The following DNAJC5B variants were observed in gnomAD, a reference collection of about 807,000 sequenced individuals.
DNAJC5B encodes the protein dnaJ homolog subfamily C member 5B.
A neutral mutation model predicts 24.7 loss-of-function variants in DNAJC5B; 23 were observed. The observed-to-expected ratio is 0.93, with a 90% CI of 0.67 to 1.32. The LOEUF (loss-of-function observed/expected upper bound fraction) is 1.32. Among genes scored for constraint, DNAJC5B ranks in the 40% most tolerant of loss-of-function variants. DNAJC5B has a pLI of 0.00. For missense variants in DNAJC5B, 238 were observed against 240.8 expected (o/e 0.99, Z 0.08); for synonymous variants, 101 against 90.1 (o/e 1.12, Z -0.68).
intron 2 of DNAJC5B, among the ~76,000 whole-genome samples, chr8:66,049,583 A>T (rs1487991032): frequency 6.6e-6 from 1 of 152,168 alleles, no homozygotes; most frequent in Non-Finnish European, 1.5e-5. Context: ...GGTTTGTGTA[A>T]ATACACTCTG....
At chr8:66,048,014 T>A (rs1806760188) in intron 2 of DNAJC5B, among the ~76,000 whole-genome samples, 1 of 152,156 alleles carries the variant, frequency 6.6e-6, no homozygotes, top group Admixed American at 6.5e-5. Context: ...GTCCACCCTT[T>A]ATCACCATTA....
intron 3 of DNAJC5B, among the ~76,000 whole-genome samples, chr8:66,065,640 C>A (rs1807175356): frequency 6.6e-6 from 1 of 152,030 alleles, no homozygotes; most frequent in South Asian, 2.1e-4. Flanking sequence ...TTGTAGGGGG[C>A]TGTAGGGTTG....
chr8:66,055,618 C>T (rs955386741), intron 3 of DNAJC5B, among the ~76,000 whole-genome samples: 1 of 152,062 alleles, frequency 6.6e-6, no homozygotes, highest in African/African-American at 2.4e-5. Flanking sequence ...TCTTTGTATA[C>T]CCTTCTAGAG....
At chr8:66,089,554 A>G (rs922131788) in intron 5 of DNAJC5B, among the ~76,000 whole-genome samples, 1 of 152,200 alleles carries the variant, frequency 6.6e-6, no homozygotes, top group Admixed American at 6.5e-5. Context: ...TGTATCTAAG[A>G]CTTTTTCTTG....
intron 3 of DNAJC5B, among the ~76,000 whole-genome samples, chr8:66,074,593 T>C (rs904422674): frequency 1.3e-5 from 2 of 152,252 alleles, no homozygotes; most frequent in African/African-American, 4.8e-5. Flanking sequence ...GGTTGAATAT[T>C]ATGTCACTTT....
At chr8:66,055,006 C>A (rs1261390133) in intron 3 of DNAJC5B, among the ~76,000 whole-genome samples, 1 of 152,140 alleles carries the variant, frequency 6.6e-6, no homozygotes, top group Non-Finnish European at 1.5e-5. Flanking sequence ...TTTTTAAAAT[C>A]CACTTTACTT....
chr8:66,057,119 A>G (rs1806982956), intron 3 of DNAJC5B: 3 of 152,238 alleles, frequency 2.0e-5, no homozygotes, highest in African/African-American at 7.2e-5. Context: ...AGCCTGGGCG[A>G]CAGAGCAAGA....
intron 5 of DNAJC5B, among the ~76,000 whole-genome samples, chr8:66,097,538 G>GT (rs532888541): frequency 2.5e-3 from 364 of 146,696 alleles, no homozygotes; most frequent in Middle Eastern, 3.7e-3. Context: ...TATTTTCTGG[G>GT]TTTTTTTTTC....
At chr8:66,053,442 T>C (rs1040813343) in intron 3 of DNAJC5B, among the ~76,000 whole-genome samples, 1 of 152,214 alleles carries the variant, frequency 6.6e-6, no homozygotes, top group African/African-American at 2.4e-5. Flanking sequence ...AAAAAAATGT[T>C]GAGTACAAAA....
chr8:66,044,401 G>A (rs1806681302), intron 2 of DNAJC5B, among the ~76,000 whole-genome samples: 1 of 152,122 alleles, frequency 6.6e-6, no homozygotes. Flanking sequence ...AAGGGACCCT[G>A]CCAAGAAAGG....
At chr8:66,096,782 A>G (rs1807962343) in intron 5 of DNAJC5B, among the ~76,000 whole-genome samples, 1 of 152,086 alleles carries the variant, frequency 6.6e-6, no homozygotes, top group Admixed American at 6.5e-5. Flanking sequence ...GGTTTTTAAA[A>G]TTCAGTCTGA....
At chr8:66,023,996 T>C (rs1806197588) in intron 1 of DNAJC5B, among the ~76,000 whole-genome samples, 1 of 152,152 alleles carries the variant, frequency 6.6e-6, no homozygotes, top group South Asian at 2.1e-4. Flanking sequence ...GAAAATGAAA[T>C]GAAATGAAGA....
At chr8:66,035,859 C>T (rs746453754) in intron 1 of DNAJC5B, among the ~76,000 whole-genome samples, 1 of 152,152 alleles carries the variant, frequency 6.6e-6, no homozygotes, top group Non-Finnish European at 1.5e-5. Flanking sequence ...TTTACCTTTC[C>T]CTGTCTCTGC....
chr8:66,082,360 C>A (rs1161476020), intron 5 of DNAJC5B, among the ~76,000 whole-genome samples: 1 of 152,086 alleles, frequency 6.6e-6, no homozygotes, highest in Non-Finnish European at 1.5e-5. Flanking sequence ...CAGTGTTTCA[C>A]ACTTCTCTGA....
At chr8:66,067,852 C>T (rs1245425736) in intron 3 of DNAJC5B, among the ~76,000 whole-genome samples, 1 of 152,202 alleles carries the variant, frequency 6.6e-6, no homozygotes, top group African/African-American at 2.4e-5. Context: ...AAATTGTCCC[C>T]ACCAAGTTCT....
intron 5 of DNAJC5B, among the ~76,000 whole-genome samples, chr8:66,088,790 C>T (rs537379849): frequency 2.6e-5 from 4 of 152,094 alleles, no homozygotes; most frequent in Admixed American, 6.5e-5. Context: ...TCCTCATCTC[C>T]GTCTGAGACC....
At chr8:66,069,786 T>C (rs1197202283) in intron 3 of DNAJC5B, among the ~76,000 whole-genome samples, 1 of 152,214 alleles carries the variant, frequency 6.6e-6, no homozygotes, top group African/African-American at 2.4e-5. Context: ...ATATCCCCGA[T>C]GAACATGGAT....
chr8:66,040,686 G>A (rs925835607), intron 1 of DNAJC5B, among the ~76,000 whole-genome samples: 5 of 152,110 alleles, frequency 3.3e-5, no homozygotes, highest in Non-Finnish European at 7.4e-5. Context: ...CTTAAAAAGT[G>A]CATAAGCCCA....
At chr8:66,075,629 G>A (rs1309818876) in intron 3 of DNAJC5B, among the ~76,000 whole-genome samples, 3 of 152,054 alleles carry the variant, frequency 2.0e-5, no homozygotes, top group Non-Finnish European at 2.9e-5. Flanking sequence ...AATTTAACAC[G>A]AACCATCATT....
Sources: allele counts gnomAD v4.1 joint callset (sites outside exome capture counted in the v4.1 genomes callset), GRCh38; gene constraint gnomAD v4.1.1; transcripts MANE v1.5; gene names NCBI Gene and HGNC (gene_info 2026-07-23, HGNC 2026-07-21).